The following TNIK variants were observed in gnomAD, a reference collection of about 807,000 sequenced individuals.
The protein encoded by TNIK is TRAF2 and NCK interacting kinase.
Under a neutral mutation model 191.3 loss-of-function variants are expected in TNIK, and 49 were observed. The observed-to-expected ratio is 0.26, with a 90% CI of 0.20 to 0.32. TNIK has a LOEUF of 0.32. Ranked by LOEUF, TNIK falls within the 10% of genes least tolerant of loss-of-function variation. TNIK has a pLI of 1.00. For synonymous variants in TNIK, 594 were observed against 600.9 expected (o/e 0.99, Z 0.17); for missense variants, 1,155 against 1,702.3 (o/e 0.68, Z 5.66).
chr3:171,304,165 T>C (rs1215967630), intron 2 of TNIK, among the ~76,000 whole-genome samples: 2 of 152,030 alleles, frequency 1.3e-5, no homozygotes, highest in East Asian at 1.9e-4. Context: ...AGATGAGAGT[T>C]GACAAGTGGC....
At chr3:171,117,282 A>C (rs1209293450) in intron 18 of TNIK, among the ~76,000 whole-genome samples, 1 of 152,228 alleles carries the variant, frequency 6.6e-6, no homozygotes, top group Non-Finnish European at 1.5e-5. Context: ...AAAATGAGGC[A>C]GCAAAGCAAG....
intron 2 of TNIK, among the ~76,000 whole-genome samples, chr3:171,361,809 T>A (rs1295847648): frequency 6.6e-6 from 1 of 152,190 alleles, no homozygotes; most frequent in East Asian, 1.9e-4. Context: ...TTTAACAAAA[T>A]ACTTTCATAG....
chr3:171,313,672 AG>A (rs977335105), intron 2 of TNIK, among the ~76,000 whole-genome samples: 2 of 152,114 alleles, frequency 1.3e-5, no homozygotes, highest in African/African-American at 4.8e-5. Context: ...GTGGGAGAAA[AG>A]GGGTCCTTAC....
intron 9 of TNIK, among the ~76,000 whole-genome samples, chr3:171,173,852 G>A (rs1016049300): frequency 1.3e-4 from 20 of 152,142 alleles, no homozygotes; most frequent in African/African-American, 4.8e-4. Context: ...GCTTTGTAGT[G>A]TCACTGTCAC....
intron 2 of TNIK, among the ~76,000 whole-genome samples, chr3:171,288,698 C>T (rs1480657608): frequency 2.2e-4 from 33 of 151,354 alleles, no homozygotes; most frequent in Admixed American, 2.2e-3. Context: ...GTCCCAGCTA[C>T]TTGAGAGGCT....
At chr3:171,189,880 G>C (rs1737818804) in intron 6 of TNIK, among the ~76,000 whole-genome samples, 1 of 152,058 alleles carries the variant, frequency 6.6e-6, no homozygotes, top group South Asian at 2.1e-4. Flanking sequence ...AGGTGAGAAA[G>C]TTTGGTCCCA....
At chr3:171,069,625 A>AT (rs1718929231) in intron 29 of TNIK, among the ~76,000 whole-genome samples, 1 of 152,226 alleles carries the variant, frequency 6.6e-6, no homozygotes, top group Non-Finnish European at 1.5e-5. Context: ...GGGTTTAACT[A>AT]GAAAGCAAAA....
chr3:171,383,297 C>T (rs1478093725), intron 1 of TNIK, among the ~76,000 whole-genome samples: 1 of 152,168 alleles, frequency 6.6e-6, no homozygotes, highest in Non-Finnish European at 1.5e-5. Context: ...GTCTCTGCAC[C>T]CCACTGAGGG....
chr3:171,407,542 C>G (rs1162154483), intron 1 of TNIK, among the ~76,000 whole-genome samples: 1 of 152,142 alleles, frequency 6.6e-6, no homozygotes, highest in Non-Finnish European at 1.5e-5. Flanking sequence ...TCTCCCAGCC[C>G]CTGTTCTAAG....
At chr3:171,179,285 G>C (rs961666041) in intron 7 of TNIK, among the ~76,000 whole-genome samples, 1 of 152,110 alleles carries the variant, frequency 6.6e-6, no homozygotes, top group African/African-American at 2.4e-5. Flanking sequence ...TCTGCACCCC[G>C]TGTTTCTCTG....
intron 2 of TNIK, among the ~76,000 whole-genome samples, chr3:171,367,162 T>G (rs369259896): frequency 7.2e-5 from 11 of 152,266 alleles, no homozygotes; most frequent in African/African-American, 2.7e-4. Flanking sequence ...ACATTTCTAT[T>G]TATACCTACA....
intron 2 of TNIK, among the ~76,000 whole-genome samples, chr3:171,257,176 A>G (rs1229956902): frequency 6.6e-6 from 1 of 152,210 alleles, no homozygotes; most frequent in Non-Finnish European, 1.5e-5. Flanking sequence ...CCAAGGTCCT[A>G]GAGACTTAGA....
rs756404964 is a variant in TNIK, at chr3:171,123,721, C to T, written c.2014-19G>A. 3.9e-6 allele frequency: 6 copies of T among 1,542,868 alleles called. No homozygotes were observed. In the African/African-American group the frequency reaches 6.9e-5, roughly 18 times the overall value. On this transcript the variant is annotated intron_variant, in intron 17 of 32. Transcript: ENST00000436636. ...GAGGCACCTGGAAGAAACCAGAATT[C>T]AGAAATATTTTCCATAAAGTAGCTT... is the stretch of plus-strand genomic sequence containing the variant.
intron 7 of TNIK, among the ~76,000 whole-genome samples, chr3:171,188,118 A>C (rs1313201109): frequency 2.0e-5 from 3 of 152,222 alleles, no homozygotes; most frequent in African/African-American, 7.2e-5. Flanking sequence ...ACAGCTTTGA[A>C]TGTATTAGCA....
chr3:171,268,794 G>A (rs1748717320), intron 2 of TNIK, among the ~76,000 whole-genome samples: 1 of 152,154 alleles, frequency 6.6e-6, no homozygotes, highest in East Asian at 1.9e-4. Context: ...CAGGAAGTAG[G>A]AAAGAGAATT....
At chr3:171,069,816 C>T (rs1320680920) in intron 29 of TNIK, among the ~76,000 whole-genome samples, 2 of 152,220 alleles carry the variant, frequency 1.3e-5, no homozygotes, top group Admixed American at 1.3e-4. Flanking sequence ...TATAATGCCA[C>T]TGCTACCTCT....
chr3:171,257,532 T>A (rs1472582748), intron 2 of TNIK, among the ~76,000 whole-genome samples: 1 of 152,214 alleles, frequency 6.6e-6, no homozygotes, highest in Non-Finnish European at 1.5e-5. Flanking sequence ...ATAGTATTTA[T>A]GCTCATCACA....
intron 1 of TNIK, among the ~76,000 whole-genome samples, chr3:171,393,176 A>G (rs981548899): frequency 5.3e-5 from 8 of 152,208 alleles, no homozygotes; most frequent in African/African-American, 1.9e-4. Context: ...TAAGTTTGGC[A>G]GTGCTTGCTG....
chr3:171,285,727 A>G (rs13071149), intron 2 of TNIK, among the ~76,000 whole-genome samples: 3,891 of 152,320 alleles, frequency 0.026, 60 homozygotes, highest in Middle Eastern at 0.037. Context: ...CAGATAAGAA[A>G]GCTCTGGCCC....
Sources: gnomAD v4.1 joint callset for allele counts (sites outside exome capture counted in the v4.1 genomes callset) on GRCh38, gnomAD v4.1.1 for gene constraint, MANE v1.5 for transcripts, NCBI Gene and HGNC (gene_info 2026-07-23, HGNC 2026-07-21) for gene names.